The following ABCD3 variants were observed in gnomAD, a reference collection of about 807,000 sequenced individuals.
ABCD3 encodes the protein ATP-binding cassette sub-family D member 3.
ABCD3 carries 41 observed loss-of-function variants against 105.5 expected under a neutral mutation model. The observed-to-expected ratio is 0.39, with a 90% CI of 0.30 to 0.50. The LOEUF is 0.50. ABCD3 is among the 20% of genes least tolerant of loss of function. The pLI is 0.84. For missense variants in ABCD3, 622 were observed against 806.3 expected (o/e 0.77, Z 2.77); for synonymous variants, 258 against 269.0 (o/e 0.96, Z 0.40).
intron 2 of ABCD3, 141 bp from the exon 3 acceptor site, chr1:94,464,634 T>C (rs958253549): frequency 2.4e-5 from 18 of 741,078 alleles, no homozygotes; most frequent in South Asian, 4.7e-5. Flanking sequence ...TGAGGAGCAG[T>C]GTAAGTATGC....
At chr1:94,441,366 T>C (rs1660128379) in intron 1 of ABCD3, among the ~76,000 whole-genome samples, 1 of 152,230 alleles carries the variant, frequency 6.6e-6, no homozygotes, top group Non-Finnish European at 1.5e-5. Context: ...ACTTTATTGG[T>C]GAGGCTGTGA....
intron 1 of ABCD3, chr1:94,418,961 G>C (rs768374353): frequency 3.4e-5 from 10 of 290,938 alleles, no homozygotes; most frequent in Non-Finnish European, 5.9e-5. Flanking sequence ...GGTGTGTTCT[G>C]GTTTTGCCAT....
chr1:94,390,343 C>T, the ABCD3 span, among the ~76,000 whole-genome samples: 1 of 152,050 alleles, frequency 6.6e-6, no homozygotes, highest in East Asian at 1.9e-4. Flanking sequence ...CGTTCTGTCA[C>T]CCAGGCTGGA....
intron 6 of ABCD3, 139 bp from the exon 7 acceptor site, chr1:94,475,475 G>T (rs932597640): frequency 3.4e-6 from 3 of 883,024 alleles, no homozygotes; most frequent in African/African-American, 3.4e-5. Context: ...ATCAGTTAGG[G>T]CAATCAATAG....
intron 10 of ABCD3, among the ~76,000 whole-genome samples, chr1:94,484,148 G>C (rs1649167272): frequency 6.6e-6 from 1 of 152,202 alleles, no homozygotes; most frequent in African/African-American, 2.4e-5. Flanking sequence ...CAACGTGCTG[G>C]AGAGGATGTG....
chr1:94,439,212 G>A (rs1570746867), intron 1 of ABCD3, among the ~76,000 whole-genome samples: 1 of 152,080 alleles, frequency 6.6e-6, no homozygotes, highest in Non-Finnish European at 1.5e-5. Context: ...TTCTCTTCTT[G>A]AATATCTTAA....
intron 1 of ABCD3, among the ~76,000 whole-genome samples, chr1:94,451,688 G>A (rs1647266763): frequency 6.6e-6 from 1 of 152,178 alleles, no homozygotes. Context: ...CTTACGGGAT[G>A]TGAAATCAAC....
At chr1:94,441,302 C>G (rs1261232859) in intron 1 of ABCD3, among the ~76,000 whole-genome samples, 20 of 152,124 alleles carry the variant, frequency 1.3e-4, no homozygotes, top group Non-Finnish European at 4.4e-5. Flanking sequence ...TTAATCTATA[C>G]TAAGATACTG....
At chr1:94,458,141 A>G (rs918278358) in intron 1 of ABCD3, among the ~76,000 whole-genome samples, 1 of 152,154 alleles carries the variant, frequency 6.6e-6, no homozygotes, top group African/African-American at 2.4e-5. Context: ...GGAATGACAC[A>G]TGTTCTGTCA....
At chr1:94,478,521 T>C (rs1284716065) in intron 8 of ABCD3, 1 of 1,584,616 alleles carries the variant, frequency 6.3e-7, no homozygotes, top group Non-Finnish European at 8.6e-7. Context: ...TTCCTTAAAT[T>C]AGGTACTTGG....
chr1:94,494,961 G>A (rs1038922401), intron 16 of ABCD3, among the ~76,000 whole-genome samples: 2 of 152,110 alleles, frequency 1.3e-5, no homozygotes, highest in African/African-American at 4.8e-5. Flanking sequence ...CACACCTTTG[G>A]TCCTGGTTAC....
chr1:94,513,420 A>G (rs1016605007), intron 21 of ABCD3: 1 of 152,098 alleles, frequency 6.6e-6, no homozygotes, highest in African/African-American at 2.4e-5. Flanking sequence ...GAAAATTCAT[A>G]TGGGGCCTCA....
intron 7 of ABCD3, 39 bp downstream of exon 7, chr1:94,475,776 T>G (rs751051415): frequency 6.5e-7 from 1 of 1,546,280 alleles, no homozygotes; most frequent in South Asian, 1.1e-5. Flanking sequence ...TTTGTTTAAT[T>G]TTTTGAATTT....
At chr1:94,475,483 T>C in intron 6 of ABCD3, 131 bp from the exon 7 acceptor site, 4 of 948,346 alleles carry the variant, frequency 4.2e-6, no homozygotes, top group Non-Finnish European at 6.4e-6. Context: ...GGGCAATCAA[T>C]AGGATCTCTT....
At chr1:94,445,747 A>G (rs900916560) in intron 1 of ABCD3, among the ~76,000 whole-genome samples, 3 of 152,146 alleles carry the variant, frequency 2.0e-5, no homozygotes, top group African/African-American at 4.8e-5. Context: ...CTGTACATGG[A>G]TTTTATAGCT....
chr1:94,385,518 C>T, the ABCD3 span, among the ~76,000 whole-genome samples: 101 of 152,304 alleles, frequency 6.6e-4, no homozygotes, highest in East Asian at 0.018. Context: ...TACCACCTGA[C>T]CAGGAGCCAC....
the ABCD3 span, among the ~76,000 whole-genome samples, chr1:94,387,152 A>T: frequency 1.3e-5 from 2 of 152,126 alleles, no homozygotes; most frequent in African/African-American, 4.8e-5. Flanking sequence ...GGAAGGTCTG[A>T]CACCTTCCCC....
intron 1 of ABCD3, among the ~76,000 whole-genome samples, chr1:94,431,672 C>T (rs951026730): frequency 2.6e-5 from 4 of 152,124 alleles, no homozygotes; most frequent in East Asian, 3.8e-4. Flanking sequence ...TTGATCCTCC[C>T]ACCTCAGCCT....
chr1:94,482,910 A>G (rs1283928296), intron 9 of ABCD3: 2 of 451,664 alleles, frequency 4.4e-6, no homozygotes, highest in African/African-American at 3.9e-5. Flanking sequence ...TTCGTGCAGT[A>G]TGTCTTTTGC....
Sources: allele counts gnomAD v4.1 joint callset (sites outside exome capture counted in the v4.1 genomes callset), GRCh38; gene constraint gnomAD v4.1.1; transcripts MANE v1.5; gene names NCBI Gene and HGNC (gene_info 2026-07-23, HGNC 2026-07-21).